KIF2A: variants seen among roughly 807,000 people sequenced by gnomAD.
KIF2A encodes kinesin family member 2A.
Under a neutral mutation model 100.2 loss-of-function variants are expected in KIF2A, and 22 were observed. The observed-to-expected ratio is 0.22, with a 90% CI of 0.16 to 0.31. The LOEUF is 0.31. Ranked by LOEUF, KIF2A falls within the 10% of genes least tolerant of loss-of-function variation. KIF2A has a pLI of 1.00. For synonymous variants in KIF2A, 268 were observed against 285.9 expected, an observed-to-expected ratio of 0.94 and a Z score of 0.63; for missense variants, 495 against 898.7, an observed-to-expected ratio of 0.55 and a Z score of 5.74.
chr5:62,374,236 A>G (rs1741443566), intron 18 of KIF2A, among the ~76,000 whole-genome samples: 1 of 152,200 alleles, frequency 6.6e-6, no homozygotes, highest in African/African-American at 2.4e-5. Context: ...TAAATAAGTC[A>G]GGGGTCAGCA....
intron 1 of KIF2A, among the ~76,000 whole-genome samples, chr5:62,339,147 ATGCTGGCATC>A (rs1219448670): frequency 6.6e-6 from 1 of 152,212 alleles, no homozygotes; most frequent in East Asian, 1.9e-4. Flanking sequence ...AGGAAGCATG[ATGCTGGCATC>A]TGCTCAGCTT....
At chr5:62,313,735 A>C (rs1341950770) in intron 1 of KIF2A, among the ~76,000 whole-genome samples, 2 of 152,068 alleles carry the variant, frequency 1.3e-5, no homozygotes, top group African/African-American at 2.4e-5. Flanking sequence ...TTATTAGCCT[A>C]TTTCCTATAC....
chr5:62,346,650 G>C (rs978233358), intron 1 of KIF2A, among the ~76,000 whole-genome samples: 1 of 152,152 alleles, frequency 6.6e-6, no homozygotes, highest in South Asian at 2.1e-4. Context: ...TGAGGCACAA[G>C]AATCACTTGA....
At chr5:62,369,743 G>T (rs1561277992) in intron 16 of KIF2A, among the ~76,000 whole-genome samples, 2 of 151,200 alleles carry the variant, frequency 1.3e-5, no homozygotes, top group Non-Finnish European at 2.9e-5. Context: ...TTTTTTTTAG[G>T]CCAATACTTT....
At chr5:62,318,540 T>C (rs1262027993) in intron 1 of KIF2A, among the ~76,000 whole-genome samples, 1 of 152,226 alleles carries the variant, frequency 6.6e-6, no homozygotes, top group East Asian at 1.9e-4. Context: ...GTTGCAGTTT[T>C]ATTAAGAGTA....
chr5:62,307,737 C>T (rs1002927879), intron 1 of KIF2A, among the ~76,000 whole-genome samples: 5 of 151,850 alleles, frequency 3.3e-5, no homozygotes, highest in African/African-American at 7.3e-5. Context: ...TGTGCCTCAG[C>T]CTCCTGAGTA....
intron 16 of KIF2A, among the ~76,000 whole-genome samples, chr5:62,370,700 C>T (rs1561278461): frequency 1.3e-5 from 2 of 152,098 alleles, no homozygotes; most frequent in Non-Finnish European, 2.9e-5. Flanking sequence ...GAGAAATAGA[C>T]AGTGGCCTCT....
At position 62,389,485 on chromosome 5, in the gene KIF2A, C is replaced by CAA. The variant is rs775533413; in HGVS notation, c.*3931_*3932dup. ...TGGGTGACAGAGCAAGACTCTGTCT[C>CAA]AAAAAAAAAAAAAAAAGAAATGTTA... On this transcript the variant is annotated 3_prime_UTR_variant, in exon 21 of 21. Transcript: ENST00000407818. Among the ~76,000 whole-genome samples the CAA allele has an allele frequency of 2.4e-4, 18 of 75,920 alleles. 1 individual carries two copies. Among genetic ancestry groups the CAA allele is most frequent in the African/African-American group, 6.8e-4 (12 of 17,550 alleles). The allele number at this position is 75,920 out of a possible 152,430, so 49.8% of individuals were successfully genotyped here.
At chr5:62,331,424 A>G (rs2111845644) in intron 1 of KIF2A, among the ~76,000 whole-genome samples, 1 of 152,062 alleles carries the variant, frequency 6.6e-6, no homozygotes. Context: ...AAAAAAAAAA[A>G]ATTATGTTTT....
chr5:62,380,864 A>C, intron 19 of KIF2A, among the ~76,000 whole-genome samples: 1 of 152,154 alleles, frequency 6.6e-6, no homozygotes, highest in East Asian at 1.9e-4. Context: ...AAGGGATGGC[A>C]GGAGAGGCAG....
chr5:62,327,638 A>G (rs1009431275), intron 1 of KIF2A, among the ~76,000 whole-genome samples: 1 of 152,226 alleles, frequency 6.6e-6, no homozygotes, highest in Non-Finnish European at 1.5e-5. Flanking sequence ...AGCTTCAGTG[A>G]TCTCATTCTT....
Position 62,388,467 on chromosome 5 carries a change from C to G in KIF2A, c.*2898C>G, listed in dbSNP as rs1580115878. ...TAGGATAGCGAAAGAGGTAGGCAAT[C>G]GTAACAGACACTGTATAGGATAAAT... On this transcript the variant is annotated 3_prime_UTR_variant, in exon 21 of 21. Coordinates refer to ENST00000407818, the MANE Select transcript of KIF2A (RefSeq NM_001098511.3). 1 of 152,586 alleles carries G rather than the reference C, an allele frequency of 6.6e-6. No individual in the cohort carries two copies. The highest frequency in any genetic ancestry group is 2.4e-5 in the African/African-American group (1 of 41,480). The allele number at this position is 152,586 out of a possible 1,614,324, so 9.5% of individuals were successfully genotyped here.
At chr5:62,351,673 T>C (rs1006982762) in intron 4 of KIF2A, among the ~76,000 whole-genome samples, 1 of 152,156 alleles carries the variant, frequency 6.6e-6, no homozygotes, top group Admixed American at 6.5e-5. Context: ...TAAAATTTGA[T>C]ATTTATATTT....
intron 1 of KIF2A, among the ~76,000 whole-genome samples, chr5:62,336,704 G>A (rs1301943817): frequency 3.3e-5 from 5 of 152,124 alleles, no homozygotes; most frequent in Admixed American, 2.6e-4. Flanking sequence ...GATGGTGAAT[G>A]ACTTAAGCAT....
At chr5:62,350,775 T>C (rs1401260375) in intron 4 of KIF2A, among the ~76,000 whole-genome samples, 3 of 151,328 alleles carry the variant, frequency 2.0e-5, no homozygotes, top group Non-Finnish European at 4.4e-5. Context: ...TAGCCAGGCA[T>C]GGTGGCAGTG....
At position 62,347,110 on chromosome 5, in the gene KIF2A, T is replaced by C. The variant is rs3213940; in HGVS notation, c.65-20T>C. The C allele has an allele frequency of 0.24, 347,817 of 1,422,270 alleles. 43,376 individuals carry two copies. Among genetic ancestry groups the C allele is most frequent in the Middle Eastern group, 0.27 (1,545 of 5,728 alleles). 88.1% of individuals were successfully genotyped at this position (1,422,270 alleles called of 1,614,324 possible). ...CATAATTTGTGGCATTTTTAAGGTG[T>C]ATACTTTATTCCCACATAGGCCGAA... On this transcript the variant is annotated intron_variant, in intron 1 of 20. Coordinates refer to ENST00000407818, the MANE Select transcript of KIF2A (RefSeq NM_001098511.3).
chr5:62,314,114 T>C (rs1435890780), intron 1 of KIF2A, among the ~76,000 whole-genome samples: 1 of 152,108 alleles, frequency 6.6e-6, no homozygotes, highest in Non-Finnish European at 1.5e-5. Context: ...TTTAAAGTTT[T>C]TGGCAGACCA....
intron 1 of KIF2A, chr5:62,308,288 C>G (rs1745407220): frequency 5.3e-6 from 7 of 1,325,804 alleles, no homozygotes; most frequent in Non-Finnish European, 6.9e-6. Flanking sequence ...TGAAAGAGTG[C>G]TGTTAATGTC....
At chr5:62,378,904 G>A (rs1489966137) in intron 19 of KIF2A, among the ~76,000 whole-genome samples, 1 of 151,872 alleles carries the variant, frequency 6.6e-6, no homozygotes, top group Non-Finnish European at 1.5e-5. Context: ...AACAGAGTGA[G>A]AAAAAAACAA....
Sources: allele counts gnomAD v4.1 joint callset (sites outside exome capture counted in the v4.1 genomes callset), GRCh38; gene constraint gnomAD v4.1.1; transcripts MANE v1.5; gene names NCBI Gene and HGNC (gene_info 2026-07-23, HGNC 2026-07-21).